Variants in HAUS7 observed in about 807,000 individuals in gnomAD.
The protein encoded by HAUS7 is HAUS augmin like complex subunit 7.
A neutral mutation model predicts 28.4 loss-of-function variants in HAUS7; 3 were observed. The observed-to-expected ratio is 0.11, with a 90% CI of 0.05 to 0.27. The LOEUF is 0.27. Among genes scored for constraint, HAUS7 ranks in the 10% least tolerant of loss-of-function variants. The pLI, the probability that HAUS7 is intolerant of heterozygous loss-of-function variation, is 1.00. For synonymous variants in HAUS7, 165 were observed against 132.1 expected, an observed-to-expected ratio of 1.25 and a Z score of -1.71; for missense variants, 284 against 297.3, an observed-to-expected ratio of 0.96 and a Z score of 0.33.
intron 1 of HAUS7, among the ~76,000 whole-genome samples, chrX:153,490,191 G>A (rs1216161776): frequency 8.9e-6 from 1 of 112,527 alleles, no homozygotes; most frequent in Non-Finnish European, 1.9e-5. Flanking sequence ...CGGCTTCCAA[G>A]GCAACCCATC....
intron 1 of HAUS7, chrX:153,485,880 C>T: frequency 1.1e-6 from 1 of 924,560 alleles, no homozygotes; most frequent in South Asian, 2.4e-5. Flanking sequence ...GAGCGCATCC[C>T]TGGCTACGCG....
At chrX:153,461,880 T>TC in intron 4 of HAUS7, 1 of 328,722 alleles carries the variant, frequency 3.0e-6, no homozygotes, top group South Asian at 1.1e-4. Flanking sequence ...GCAATTCCAC[T>TC]CCCAGCTATA....
chrX:153,462,031 G>A lies in HAUS7; in HGVS notation c.354+579C>T, dbSNP rs1474206496. The A allele has an allele frequency of 4.6e-6, 3 of 651,555 alleles. No individual in the cohort carries two copies. The South Asian group carries it at 7.7e-5, about 17-fold the overall frequency. The allele number at this position is 651,555 out of a possible 1,213,427, so 53.7% of individuals were successfully genotyped here. On this transcript the variant is annotated intron_variant, in intron 4 of 9. Transcript: ENST00000370211. ...TGCACATGTTCTCAGGACCTCCTGG[G>A]GCTGTGTCATAGGCCATTGGTCACG...
chrX:153,451,084 C>A (rs2089233898), intron 9 of HAUS7, among the ~76,000 whole-genome samples: 1 of 112,345 alleles, frequency 8.9e-6, no homozygotes, highest in African/African-American at 3.2e-5. Flanking sequence ...TCTCTCCAGA[C>A]CCCCAAAGTG....
intron 1 of HAUS7, among the ~76,000 whole-genome samples, chrX:153,477,071 C>T (rs1293355421): frequency 8.8e-6 from 1 of 113,179 alleles, no homozygotes; most frequent in African/African-American, 3.2e-5. Context: ...AGCCACCAGG[C>T]TCCCGACCAG....
At chrX:153,452,368 AAATG>A (rs1239437795) in intron 9 of HAUS7, among the ~76,000 whole-genome samples, 2 of 112,347 alleles carry the variant, frequency 1.8e-5, no homozygotes, top group Non-Finnish European at 3.8e-5. Flanking sequence ...ATAAATATAA[AAATG>A]TGTACCAATG....
chrX:153,482,776 C>A (rs1487223021), intron 1 of HAUS7: 66 of 751,158 alleles, frequency 8.8e-5, no homozygotes, highest in Non-Finnish European at 9.8e-5. Context: ...AGGGACATCT[C>A]CCCCTGGCCT....
chrX:153,481,461 G>A lies in HAUS7; in HGVS notation c.-588-10316C>T, dbSNP rs2089599376. The A allele has an allele frequency of 1.9e-5, 14 of 754,428 alleles. No homozygotes were observed. In the South Asian group the frequency reaches 9.5e-4, roughly 51 times the overall value. The allele number at this position is 754,428 out of a possible 1,213,427, so 62.2% of individuals were successfully genotyped here. A position where few individuals can be genotyped will look rare whatever the true frequency, so the allele number is the denominator to read the frequency against. On this transcript the variant is annotated intron_variant, in intron 1 of 5. Coordinates refer to the HAUS7 transcript ENST00000370210. ...GCACCTCCAAGACCCCAGGCCATGG[G>A]TGGAAAAGACCAGGAAGCACACATG...
chrX:153,486,703 A>G, intron 1 of HAUS7: 1 of 982,321 alleles, frequency 1.0e-6, no homozygotes, highest in Non-Finnish European at 1.3e-6. Flanking sequence ...ACACCTGGAG[A>G]ACAACCTCAT....
At chrX:153,463,942 C>T (rs1206729577) in intron 3 of HAUS7, among the ~76,000 whole-genome samples, 1 of 112,905 alleles carries the variant, frequency 8.9e-6, no homozygotes, top group Non-Finnish European at 1.9e-5. Flanking sequence ...ACCCTCTGGC[C>T]CTGTCTCTCC....
intron 6 of HAUS7, 33 bp downstream of exon 6, chrX:153,456,460 G>C: frequency 8.5e-7 from 1 of 1,177,417 alleles, no homozygotes; most frequent in Non-Finnish European, 1.1e-6. Context: ...AGGAGGCCAG[G>C]GTGCTGCCAC....
chrX:153,453,983 C>T (rs2089269908), intron 9 of HAUS7, among the ~76,000 whole-genome samples: 2 of 110,952 alleles, frequency 1.8e-5, no homozygotes, highest in South Asian at 3.9e-4. Flanking sequence ...CCATGCCCAG[C>T]TAGTTTCTGT....
At chrX:153,481,860 C>G (rs2089602229) in intron 1 of HAUS7, 1 of 755,765 alleles carries the variant, frequency 1.3e-6, no homozygotes, top group Non-Finnish European at 1.6e-6. Flanking sequence ...GCTGCCCAAC[C>G]TGGAGTGGCT....
chrX:153,451,453 C>T (rs1026457725), intron 9 of HAUS7, among the ~76,000 whole-genome samples: 3 of 112,009 alleles, frequency 2.7e-5, no homozygotes, highest in African/African-American at 9.7e-5. Context: ...GTTCAATTGG[C>T]AAGAAGAGGC....
chrX:153,467,818 A>G (rs1361595692), intron 2 of HAUS7, among the ~76,000 whole-genome samples: 1 of 112,800 alleles, frequency 8.9e-6, no homozygotes, highest in Non-Finnish European at 1.9e-5. Flanking sequence ...GTGCACCCAC[A>G]GGTTGAGGGC....
At chrX:153,456,760 G>A (rs2089318162) in intron 5 of HAUS7, 109 bp from the exon 6 acceptor site, 1 of 620,082 alleles carries the variant, frequency 1.6e-6, no homozygotes, top group African/African-American at 2.3e-5. Context: ...CAGGCACAGA[G>A]GCCAGGACAA....
At chrX:153,494,200 C>T (rs1556990190) in intron 1 of HAUS7, among the ~76,000 whole-genome samples, 1 of 112,014 alleles carries the variant, frequency 8.9e-6, no homozygotes. Flanking sequence ...CGTAAGTGAC[C>T]AGCACAGGGC....
intron 4 of HAUS7, among the ~76,000 whole-genome samples, chrX:153,459,654 G>T (rs2089362275): frequency 1.8e-5 from 2 of 111,702 alleles, no homozygotes; most frequent in Admixed American, 1.9e-4. Context: ...TACAGCCGGG[G>T]TGTCATATTG....
chrX:153,455,614 G>A lies in HAUS7; in HGVS notation c.858C>T (p.Arg286=). The part of the protein sequence containing the change: ...YDDELGECCQ[R]PGPDLHPCGP... Reference sequence around the variant, plus strand: ...CGCACGGGTGGAGGTCAGGGCCTGGGCGCTGGCAGCACTCGCCCAGCTCGT... The same window carrying A: ...CGCACGGGTGGAGGTCAGGGCCTGGACGCTGGCAGCACTCGCCCAGCTCGT... Residue 286 remains arginine, a synonymous_variant, in exon 8 of 10, where the codon CGC becomes CGT. Transcript: ENST00000370211. The A allele has an allele frequency of 3.3e-6, 4 of 1,210,018 alleles. No individual in the cohort carries two copies. The highest frequency in any genetic ancestry group is 4.5e-6 in the Non-Finnish European group (4 of 893,726).
Sources: allele counts gnomAD v4.1 joint callset (sites outside exome capture counted in the v4.1 genomes callset), GRCh38; gene constraint gnomAD v4.1.1; transcripts MANE v1.5; gene names NCBI Gene and HGNC (gene_info 2026-07-23, HGNC 2026-07-21).